Variants in PRDM16 observed in about 807,000 individuals in gnomAD.
PRDM16 encodes PR/SET domain 16, also known as histone-lysine N-methyltransferase PRDM16.
Under a neutral mutation model 110.6 loss-of-function variants are expected in PRDM16, and 23 were observed. That is an observed-to-expected ratio of 0.21 (90% CI 0.15 to 0.29). The LOEUF (loss-of-function observed/expected upper bound fraction) is 0.29, where lower values mean the gene tolerates loss of function less well. Among genes scored for constraint, PRDM16 ranks in the 10% least tolerant of loss-of-function variants. The probability of loss-of-function intolerance (pLI) is 1.00; values close to 1 mark genes in which losing one functional copy is unlikely to be tolerated. For synonymous variants in PRDM16, 799 were observed against 781.8 expected (o/e 1.02, Z -0.37); for missense variants, 1,615 against 1,794.3 (o/e 0.90, Z 1.81).
Position 3,353,850 on chromosome 1 carries a change from C to T in PRDM16, c.439-31302C>T, listed in dbSNP as rs536156820. Among the ~76,000 whole-genome samples, 2 of 152,074 alleles carry T rather than the reference C, an allele frequency of 1.3e-5. No individual in the cohort carries two copies. The highest frequency in any genetic ancestry group is 6.5e-5 in the Admixed American group (1 of 15,288). On this transcript the variant is annotated intron_variant, in intron 3 of 16. Coordinates refer to ENST00000270722, the MANE Select transcript of PRDM16 (RefSeq NM_022114.4). This position sits in a 1 kb window ranked among gnomAD's most constrained non-coding sequence, Gnocchi z 5.4. ...CAGCGGAGCCAGTAGTGATGACAGG[C>T]GCAGCTGGGAGCAGCTTGGTAGACC...
chr1:3,428,147 ACCCCGAGC>A (rs1373027535), intron 14 of PRDM16, among the ~76,000 whole-genome samples: 7 of 150,112 alleles, frequency 4.7e-5, no homozygotes, highest in African/African-American at 1.7e-4. Context: ...AGGCCCCCCT[ACCCCGAGC>A]TAGGGTGCAG....
At chr1:3,262,243 C>T (rs954639982) in intron 3 of PRDM16, among the ~76,000 whole-genome samples, 5 of 152,212 alleles carry the variant, frequency 3.3e-5, no homozygotes, top group Non-Finnish European at 5.9e-5. Flanking sequence ...GATCCATTAA[C>T]GTGCATTTGT....
chr1:3,306,784 C>A (rs1641324778), intron 3 of PRDM16: 1 of 152,170 alleles, frequency 6.6e-6, no homozygotes, highest in Non-Finnish European at 1.5e-5. Context: ...ACATTTTTAT[C>A]ACTGAAAAAA....
intron 1 of PRDM16, among the ~76,000 whole-genome samples, chr1:3,070,643 G>T (rs1557774841): frequency 1.3e-5 from 2 of 149,976 alleles, no homozygotes; most frequent in African/African-American, 2.4e-5. Context: ...CCTCCAGGCC[G>T]GCCTCGCAGC....
chr1:3,155,177 A>G (rs1643839302), intron 1 of PRDM16, among the ~76,000 whole-genome samples: 1 of 152,212 alleles, frequency 6.6e-6, no homozygotes, highest in African/African-American at 2.4e-5. Context: ...GGACCTCTCC[A>G]GGAAGGGCCC....
Position 3,411,710 on chromosome 1 carries a change from C to T in PRDM16, c.1513C>T (p.Pro505Ser), listed in dbSNP as rs780880344. The change falls in exon 9 of 17, where the codon CCC becomes TCC. Residue 505 changes from proline to serine, a missense_variant. Physicochemically the swap from Pro to Ser is moderately conservative, Grantham distance 74. This residue lies in a region of PRDM16 where 772 missense variants were observed against 748.3 expected (regional missense o/e 1.03). Transcript: ENST00000270722. The stretch of plus-strand genomic sequence containing the variant: ...GAGCCTGCCCTTCTCCACGGCGCCT[C>T]CCACGTTCCCCGCACTCACCCCCGG... ...PGSLPFSTAP[P>S]TFPALTPGFP... 6.8e-6 allele frequency: 11 copies of T among 1,610,396 alleles called. No individual in the cohort carries two copies. The East Asian group carries it at 1.8e-4, about 26-fold the overall frequency.
chr1:3,311,751 T>C (rs1449579847), intron 3 of PRDM16, among the ~76,000 whole-genome samples: 1 of 152,156 alleles, frequency 6.6e-6, no homozygotes, highest in Admixed American at 6.5e-5. Context: ...CTGGGGTCCA[T>C]CTGCCTCCTT....
intron 2 of PRDM16, among the ~76,000 whole-genome samples, chr1:3,223,170 T>C (rs1639214383): frequency 1.5e-5 from 2 of 133,982 alleles, no homozygotes; most frequent in South Asian, 5.2e-4. Flanking sequence ...AGTGCAGTGG[T>C]GCGATCTTGG....
At chr1:3,308,076 G>C (rs567144203) in intron 3 of PRDM16, 2 of 152,320 alleles carry the variant, frequency 1.3e-5, no homozygotes, top group African/African-American at 4.8e-5. Context: ...CACTGTCTTT[G>C]GTGGGCACTG....
At chr1:3,394,034 C>T (rs1406075535) in intron 4 of PRDM16, among the ~76,000 whole-genome samples, 1 of 152,096 alleles carries the variant, frequency 6.6e-6, no homozygotes, top group Non-Finnish European at 1.5e-5. Flanking sequence ...GTGTCCGCGC[C>T]GGAGGGGAGG....
chr1:3,309,952 A>T (rs142203919), intron 3 of PRDM16: 1 of 152,260 alleles, frequency 6.6e-6, no homozygotes, highest in Non-Finnish European at 1.5e-5. Flanking sequence ...AGGTTCACAC[A>T]GGGGCCAGGC....
intron 1 of PRDM16, among the ~76,000 whole-genome samples, chr1:3,164,854 C>A (rs542502040): frequency 6.6e-5 from 10 of 152,316 alleles, no homozygotes; most frequent in African/African-American, 2.2e-4. Context: ...TCTCTGCTGG[C>A]CCCAGCTCCT....
chr1:3,099,995 G>C (rs910262557), intron 1 of PRDM16, among the ~76,000 whole-genome samples: 1 of 152,146 alleles, frequency 6.6e-6, no homozygotes, highest in African/African-American at 2.4e-5. Context: ...AGGCCACTGG[G>C]CTCGGCACCC....
intron 1 of PRDM16, among the ~76,000 whole-genome samples, chr1:3,098,577 GACC>G (rs1642460695): frequency 1.3e-5 from 2 of 152,194 alleles, no homozygotes; most frequent in South Asian, 4.1e-4. Context: ...TGGGCTTCGA[GACC>G]CCAGGCAAAG....
chr1:3,185,674 T>G (rs1644258848), intron 1 of PRDM16, among the ~76,000 whole-genome samples: 1 of 152,194 alleles, frequency 6.6e-6, no homozygotes, highest in African/African-American at 2.4e-5. Context: ...TAGAGGACAT[T>G]TGGAATGTTC....
Position 3,338,208 on chromosome 1 carries a change from A to G in PRDM16, c.439-46944A>G, listed in dbSNP as rs540064803. Reference sequence around the variant, plus strand: ...TTTGGGAAGTTGCAAGGACCCTCGCAAGGCAGGAGAAGGGGGCATACTGGG... The same window carrying G: ...TTTGGGAAGTTGCAAGGACCCTCGCGAGGCAGGAGAAGGGGGCATACTGGG... On this transcript the variant is annotated intron_variant, in intron 3 of 16. Coordinates refer to ENST00000270722, the MANE Select transcript of PRDM16 (RefSeq NM_022114.4). Among the ~76,000 whole-genome samples, 4 of 152,376 alleles carry G rather than the reference A, an allele frequency of 2.6e-5. No homozygotes were observed. The South Asian group carries it at 8.3e-4, about 32-fold the overall frequency.
chr1:3,312,048 G>C (rs764084303), intron 3 of PRDM16, among the ~76,000 whole-genome samples: 16 of 152,334 alleles, frequency 1.1e-4, no homozygotes, highest in Admixed American at 9.8e-4. Context: ...GCGGCTCATG[G>C]GCAGACTGTA....
chr1:3,318,257 C>T (rs1641658363), intron 3 of PRDM16, among the ~76,000 whole-genome samples: 1 of 152,230 alleles, frequency 6.6e-6, no homozygotes, highest in African/African-American at 2.4e-5. Flanking sequence ...CTCCTTTCTG[C>T]TGTGTCCCAT....
At position 3,204,971 on chromosome 1, in the gene PRDM16, G is replaced by T. The variant is rs1250631975; in HGVS notation, c.387+18497G>T. Among the ~76,000 whole-genome samples, 3 of 152,178 alleles carry T rather than the reference G, an allele frequency of 2.0e-5. No homozygotes were observed. The East Asian group carries it at 5.8e-4, about 29-fold the overall frequency. The stretch of plus-strand genomic sequence containing the variant: ...GCCCCGCGGGATTGTTATCGAATTA[G>T]TTGAAGTCAGAAGTCCCCTGAATGG... On this transcript the variant is annotated intron_variant, in intron 2 of 16. Transcript: ENST00000270722.
Sources: allele counts gnomAD v4.1 joint callset (sites outside exome capture counted in the v4.1 genomes callset), GRCh38; gene constraint gnomAD v4.1.1; regional missense constraint gnomAD v4.1.1; non-coding constraint Gnocchi (gnomAD v3.1); transcripts MANE v1.5; gene names NCBI Gene and HGNC (gene_info 2026-07-23, HGNC 2026-07-21).